Variants in TMEM117 observed in about 807,000 individuals in gnomAD.
TMEM117 encodes transmembrane protein 117.
Under a neutral mutation model 52.4 loss-of-function variants are expected in TMEM117, and 27 were observed. That is an observed-to-expected ratio of 0.51 (90% confidence interval 0.38 to 0.71). TMEM117 has a LOEUF of 0.71. Among genes scored for constraint, TMEM117 ranks in the 30% least tolerant of loss-of-function variants. The probability of loss-of-function intolerance (pLI) is 0.00; values close to 1 mark genes in which losing one functional copy is unlikely to be tolerated. For synonymous variants in TMEM117, 215 were observed against 206.3 expected (o/e 1.04, Z -0.36); for missense variants, 556 against 630.5 (o/e 0.88, Z 1.26).
chr12:44,275,062 A>G (rs1217203337), intron 5 of TMEM117, among the ~76,000 whole-genome samples: 3 of 152,134 alleles, frequency 2.0e-5, no homozygotes, highest in Admixed American at 6.6e-5. Context: ...CTGACGATGA[A>G]TGACTAGAAT....
At chr12:44,060,833 GC>G (rs1390729571) in intron 3 of TMEM117, among the ~76,000 whole-genome samples, 2 of 152,148 alleles carry the variant, frequency 1.3e-5, no homozygotes, top group Admixed American at 1.3e-4. Context: ...TTTGACATAT[GC>G]TTTTATTTTG....
chr12:43,843,080 G>T (rs556265631), intron 1 of TMEM117, among the ~76,000 whole-genome samples: 1 of 152,128 alleles, frequency 6.6e-6, no homozygotes, highest in Admixed American at 6.5e-5. Context: ...TCAGGGGGTT[G>T]TTATGACAAA....
At chr12:43,851,150 C>T (rs571370686) in intron 2 of TMEM117, among the ~76,000 whole-genome samples, 2 of 152,158 alleles carry the variant, frequency 1.3e-5, no homozygotes, top group Admixed American at 6.5e-5. Context: ...TTAGTAGATT[C>T]CAGAAGGACA....
intron 3 of TMEM117, among the ~76,000 whole-genome samples, chr12:43,961,941 T>C (rs1378995184): frequency 6.6e-6 from 1 of 152,202 alleles, no homozygotes; most frequent in African/African-American, 2.4e-5. Context: ...CCCAGCACCA[T>C]CTGAGAAAGT....
At chr12:44,350,131 A>C (rs1170945258) in intron 6 of TMEM117, among the ~76,000 whole-genome samples, 2 of 152,014 alleles carry the variant, frequency 1.3e-5, no homozygotes, top group Non-Finnish European at 2.9e-5. Flanking sequence ...GAAGTAATTA[A>C]TTTCTGGGAA....
chr12:44,137,470 A>C (rs950388286), intron 3 of TMEM117, among the ~76,000 whole-genome samples: 9 of 152,138 alleles, frequency 5.9e-5, no homozygotes, highest in Admixed American at 2.0e-4. Flanking sequence ...TCTAAAAATG[A>C]AGATGCCTTG....
chr12:44,152,403 A>T (rs1336890626), intron 4 of TMEM117, among the ~76,000 whole-genome samples: 1 of 112,886 alleles, frequency 8.9e-6, no homozygotes, highest in Non-Finnish European at 1.6e-5. Flanking sequence ...TATAATATTT[A>T]TATCATATAT....
intron 5 of TMEM117, among the ~76,000 whole-genome samples, chr12:44,282,971 A>G (rs921899675): frequency 4.6e-5 from 7 of 152,234 alleles, no homozygotes; most frequent in African/African-American, 1.7e-4. Context: ...GAAAGAGGCC[A>G]ATGTCCAGCT....
At chr12:44,254,674 A>C (rs1428941131) in intron 5 of TMEM117, among the ~76,000 whole-genome samples, 1 of 151,894 alleles carries the variant, frequency 6.6e-6, no homozygotes, top group Non-Finnish European at 1.5e-5. Flanking sequence ...ATTTTTTATT[A>C]TACTTTAAGT....
intron 3 of TMEM117, among the ~76,000 whole-genome samples, chr12:44,099,267 TA>T (rs1471825288): frequency 6.7e-6 from 1 of 150,104 alleles, no homozygotes; most frequent in Non-Finnish European, 1.5e-5. Context: ...TTAATTTTTT[TA>T]AAAAATAATT....
chr12:44,298,225 A>G (rs1592675076), intron 5 of TMEM117, among the ~76,000 whole-genome samples: 1 of 150,902 alleles, frequency 6.6e-6, no homozygotes, highest in Admixed American at 6.6e-5. Flanking sequence ...AGAGAATTCT[A>G]TGAAGATTCA....
intron 2 of TMEM117, among the ~76,000 whole-genome samples, chr12:43,907,085 T>G (rs1031474863): frequency 9.9e-5 from 15 of 152,090 alleles, no homozygotes; most frequent in African/African-American, 2.7e-4. Context: ...TCTGCAGACT[T>G]AAATGTCCCT....
intron 3 of TMEM117, among the ~76,000 whole-genome samples, chr12:44,003,116 G>A (rs1212710014): frequency 6.6e-6 from 1 of 152,102 alleles, no homozygotes; most frequent in African/African-American, 2.4e-5. Flanking sequence ...ACACTCACTA[G>A]GCCCTGCCTC....
chr12:44,337,352 T>C (rs914539053), intron 6 of TMEM117, among the ~76,000 whole-genome samples: 8 of 152,026 alleles, frequency 5.3e-5, no homozygotes, highest in African/African-American at 1.4e-4. Flanking sequence ...ATGAGGACTA[T>C]AGCTTCATGA....
At chr12:44,114,583 C>G (rs1367199668) in intron 3 of TMEM117, among the ~76,000 whole-genome samples, 1 of 152,156 alleles carries the variant, frequency 6.6e-6, no homozygotes, top group Non-Finnish European at 1.5e-5. Context: ...CTAGTTTGTT[C>G]AGTAGCCTCT....
At chr12:43,925,970 T>C (rs1328235912) in intron 2 of TMEM117, among the ~76,000 whole-genome samples, 2 of 152,220 alleles carry the variant, frequency 1.3e-5, no homozygotes, top group Admixed American at 1.3e-4. Context: ...CCACTTGCCA[T>C]GTATGTGCAA....
chr12:43,869,138 G>T (rs1389274797), intron 2 of TMEM117, among the ~76,000 whole-genome samples: 1 of 152,044 alleles, frequency 6.6e-6, no homozygotes, highest in Non-Finnish European at 1.5e-5. Flanking sequence ...TAACAAAACT[G>T]ACATAAGAAG....
intron 3 of TMEM117, among the ~76,000 whole-genome samples, chr12:44,072,500 C>T (rs1947317408): frequency 6.6e-6 from 1 of 152,156 alleles, no homozygotes; most frequent in African/African-American, 2.4e-5. Flanking sequence ...GCCTGTCTGG[C>T]CAGACACACT....
intron 2 of TMEM117, among the ~76,000 whole-genome samples, chr12:43,863,493 C>A (rs1375019303): frequency 6.6e-6 from 1 of 151,952 alleles, no homozygotes; most frequent in Admixed American, 6.5e-5. Flanking sequence ...ATCTCTGACT[C>A]TAGAAGAAAG....
Sources: allele counts gnomAD v4.1 joint callset (sites outside exome capture counted in the v4.1 genomes callset), GRCh38; gene constraint gnomAD v4.1.1; transcripts MANE v1.5; gene names NCBI Gene and HGNC (gene_info 2026-07-23, HGNC 2026-07-21).